The following MNAT1 variants were observed in gnomAD, a reference collection of about 807,000 sequenced individuals.
The protein encoded by MNAT1 is CDK-activating kinase assembly factor MAT1.
In MNAT1, 43 loss-of-function variants were observed where a neutral mutation model predicts 42.0. The ratio of observed to expected loss-of-function variants is 1.02; its 90% CI spans 0.80 to 1.32. The LOEUF (loss-of-function observed/expected upper bound fraction) is 1.32. Ranked by LOEUF, MNAT1 falls within the 40% of genes most tolerant of loss-of-function variation. The probability of loss-of-function intolerance (pLI) is 0.00; values close to 1 mark genes in which losing one functional copy is unlikely to be tolerated. For missense variants in MNAT1, 306 were observed against 350.4 expected (o/e 0.87, Z 1.01); for synonymous variants, 118 against 120.0 (o/e 0.98, Z 0.11).
intron 1 of MNAT1, among the ~76,000 whole-genome samples, chr14:60,753,216 AT>A (rs2030177760): frequency 1.3e-5 from 2 of 152,296 alleles, no homozygotes; most frequent in African/African-American, 4.8e-5. Context: ...TGAGATTGCA[AT>A]CAAGTTTCAG....
At chr14:60,929,167 AAAAATATAT>A (rs1177371166) in intron 7 of MNAT1, among the ~76,000 whole-genome samples, 13 of 90,978 alleles carry the variant, frequency 1.4e-4, no homozygotes, top group African/African-American at 4.7e-4. Flanking sequence ...AAAAAAAAAA[AAAAATATAT>A]ATATATATAT....
intron 1 of MNAT1, among the ~76,000 whole-genome samples, chr14:60,754,600 C>T (rs983087044): frequency 9.9e-5 from 15 of 152,178 alleles, no homozygotes; most frequent in Admixed American, 3.3e-4. Context: ...CTGCCCGCCT[C>T]GGCCTCCCAA....
chr14:60,879,721 A>G lies in MNAT1; in HGVS notation c.695A>G (p.His232Arg), dbSNP rs2034507275. 6.2e-7 allele frequency: 1 copy of G among 1,612,540 alleles called. No individual in the cohort carries two copies. Among genetic ancestry groups the G allele is most frequent in the Non-Finnish European group, 8.5e-7 (1 of 1,179,094 alleles). The change falls in exon 7 of 8, where the codon CAT (histidine) becomes CGT (arginine). Residue 232 changes from histidine (H) to arginine (R), a missense_variant. Physicochemically the swap from His to Arg is conservative, Grantham distance 29. This residue lies in a region of MNAT1 where 116 missense variants were observed against 139.6 expected (regional missense o/e 0.83). Transcript: ENST00000261245. ...CCTTCATTTTTCTAACAGGGTCAACATATTTCACTGGCACCTATTCACAAG... is the reference window on the plus strand; with the variant it reads ...CCTTCATTTTTCTAACAGGGTCAACGTATTTCACTGGCACCTATTCACAAG... ...TFSTGIKMGQ[H>R]ISLAPIHKLE...
At chr14:60,765,553 A>G (rs2030781966) in intron 1 of MNAT1, among the ~76,000 whole-genome samples, 2 of 152,204 alleles carry the variant, frequency 1.3e-5, no homozygotes. Context: ...TTGGAATATA[A>G]CTAAACAGTC....
intron 7 of MNAT1, among the ~76,000 whole-genome samples, chr14:60,945,244 T>G (rs1466803272): frequency 1.3e-5 from 2 of 152,200 alleles, no homozygotes; most frequent in Admixed American, 1.3e-4. Context: ...GGCAGCACTT[T>G]CAGTTTTTTT....
At chr14:60,860,586 C>T (rs1172565201) in intron 6 of MNAT1, among the ~76,000 whole-genome samples, 1 of 151,994 alleles carries the variant, frequency 6.6e-6, no homozygotes, top group African/African-American at 2.4e-5. Flanking sequence ...ATCTCCTGAC[C>T]TCGTGATCCG....
chr14:60,939,028 T>G (rs1404960554), intron 7 of MNAT1, among the ~76,000 whole-genome samples: 1 of 152,216 alleles, frequency 6.6e-6, no homozygotes, highest in African/African-American at 2.4e-5. Flanking sequence ...ATAGAGGTGT[T>G]TATAGTATTC....
At chr14:60,751,850 A>G (rs1292382496) in intron 1 of MNAT1, among the ~76,000 whole-genome samples, 5 of 152,054 alleles carry the variant, frequency 3.3e-5, no homozygotes, top group African/African-American at 1.2e-4. Flanking sequence ...TAGTGGTTAT[A>G]TCATTGAAAA....
intron 7 of MNAT1, among the ~76,000 whole-genome samples, chr14:60,889,770 C>A (rs1312877047): frequency 6.6e-6 from 1 of 152,042 alleles, no homozygotes; most frequent in Admixed American, 6.6e-5. Context: ...AACAAACAAC[C>A]CCATCAAAAA....
At chr14:60,780,113 G>A in intron 1 of MNAT1, 1 of 1,463,636 alleles carries the variant, frequency 6.8e-7, no homozygotes, top group Non-Finnish European at 9.6e-7. Flanking sequence ...CTTTACTCGA[G>A]TGCAGAAATA....
chr14:60,816,119 C>G (rs2032707542), intron 5 of MNAT1, among the ~76,000 whole-genome samples: 1 of 152,046 alleles, frequency 6.6e-6, no homozygotes, highest in Admixed American at 6.5e-5. Flanking sequence ...TACACAAGTA[C>G]TACTTATTAG....
At chr14:60,777,609 G>A (rs1387539472) in intron 1 of MNAT1, among the ~76,000 whole-genome samples, 1 of 151,906 alleles carries the variant, frequency 6.6e-6, no homozygotes, top group Non-Finnish European at 1.5e-5. Context: ...TGGCTAGCCT[G>A]TTGAGGTCCT....
At position 60,757,859 on chromosome 14, in the gene MNAT1, G is replaced by A. The variant is rs576996197; in HGVS notation, c.89+22908G>A. On this transcript the variant is annotated intron_variant, in intron 1 of 7. Transcript: ENST00000261245. ...TAATTTTTATTTTATGACTTCCTGT[G>A]TACAAGGAGTTGATGATGCAAAGTT... Among the ~76,000 whole-genome samples the A allele has an allele frequency of 7.2e-5, 11 of 152,242 alleles. 1 individual carries two copies. Among genetic ancestry groups the A allele is most frequent in the African/African-American group, 2.6e-4 (11 of 41,552 alleles).
chr14:60,876,625 C>T (rs576316242), intron 6 of MNAT1, among the ~76,000 whole-genome samples: 3 of 152,182 alleles, frequency 2.0e-5, no homozygotes, highest in East Asian at 3.9e-4. Context: ...TACTTTCTGT[C>T]TCCATGAATT....
At chr14:60,736,188 CTA>C (rs1180431324) in intron 1 of MNAT1, among the ~76,000 whole-genome samples, 1 of 151,952 alleles carries the variant, frequency 6.6e-6, no homozygotes, top group African/African-American at 2.4e-5. Context: ...AAAGGGAATT[CTA>C]CATGGAAAAA....
At chr14:60,863,410 A>G (rs1478288130) in intron 6 of MNAT1, among the ~76,000 whole-genome samples, 1 of 152,108 alleles carries the variant, frequency 6.6e-6, no homozygotes, top group Non-Finnish European at 1.5e-5. Flanking sequence ...ATTAATTAGT[A>G]ATCTTTAGAA....
chr14:60,963,573 C>T (rs1173254421), intron 7 of MNAT1, among the ~76,000 whole-genome samples: 2 of 152,158 alleles, frequency 1.3e-5, no homozygotes, highest in Non-Finnish European at 2.9e-5. Flanking sequence ...GAACTTCCTA[C>T]AAGAGCTGTG....
chr14:60,735,017 A>T (rs1896264185), intron 1 of MNAT1, 66 bp downstream of exon 1: 33 of 1,464,548 alleles, frequency 2.3e-5, no homozygotes, highest in Non-Finnish European at 3.1e-5. Context: ...GGACCGGGAG[A>T]TGCTAGGCCT....
At chr14:60,775,662 A>G (rs1397645298) in intron 1 of MNAT1, among the ~76,000 whole-genome samples, 1 of 152,226 alleles carries the variant, frequency 6.6e-6, no homozygotes, top group Non-Finnish European at 1.5e-5. Flanking sequence ...TGACTTGTAG[A>G]TAACAACAGA....
Sources: gnomAD v4.1 joint callset for allele counts (sites outside exome capture counted in the v4.1 genomes callset) on GRCh38, gnomAD v4.1.1 for gene constraint, gnomAD v4.1.1 regional missense constraint, MANE v1.5 for transcripts, NCBI Gene and HGNC (gene_info 2026-07-23, HGNC 2026-07-21) for gene names.